Variants in PPP1R9A observed in about 807,000 individuals in gnomAD.
PPP1R9A encodes protein phosphatase 1 regulatory subunit 9A.
PPP1R9A carries 59 observed loss-of-function variants against 141.9 expected under a neutral mutation model. That is an observed-to-expected ratio of 0.42 (90% CI 0.34 to 0.52). PPP1R9A has a LOEUF of 0.52. PPP1R9A is among the 20% of genes least tolerant of loss of function. PPP1R9A has a pLI of 0.10. For synonymous variants in PPP1R9A, 500 were observed against 569.7 expected, an observed-to-expected ratio of 0.88 and a Z score of 1.74; for missense variants, 1,444 against 1,611.9, an observed-to-expected ratio of 0.90 and a Z score of 1.78.
intron 12 of PPP1R9A, among the ~76,000 whole-genome samples, chr7:95,257,812 C>T (rs1799819097): frequency 6.6e-6 from 1 of 152,082 alleles, no homozygotes; most frequent in Non-Finnish European, 1.5e-5. Flanking sequence ...TGATGGTTTC[C>T]AGCTTCATCC....
At chr7:95,127,443 G>A (rs559676567) in intron 4 of PPP1R9A, among the ~76,000 whole-genome samples, 6 of 151,282 alleles carry the variant, frequency 4.0e-5, no homozygotes, top group East Asian at 1.9e-4. Flanking sequence ...AAAGTCTATC[G>A]TTACTGTTTC....
At chr7:95,274,542 A>G (rs1016140866) in intron 16 of PPP1R9A, among the ~76,000 whole-genome samples, 1 of 152,192 alleles carries the variant, frequency 6.6e-6, no homozygotes, top group Non-Finnish European at 1.5e-5. Context: ...GTCTAAAAGG[A>G]TAATCATTTT....
intron 4 of PPP1R9A, chr7:95,155,295 C>G (rs927680974): frequency 1.3e-5 from 2 of 151,360 alleles, no homozygotes; most frequent in South Asian, 4.2e-4. Context: ...CAAGAAATCC[C>G]TCCACTTCAG....
intron 2 of PPP1R9A, among the ~76,000 whole-genome samples, chr7:94,999,819 T>A (rs190326951): frequency 0.026 from 3,796 of 146,760 alleles, 89 homozygotes; most frequent in Non-Finnish European, 0.037. Context: ...ATTTATTTAT[T>A]TAGATAGAGT....
chr7:95,081,935 C>G (rs1465344356), intron 2 of PPP1R9A, among the ~76,000 whole-genome samples: 1 of 152,190 alleles, frequency 6.6e-6, no homozygotes, highest in Non-Finnish European at 1.5e-5. Context: ...AACCAACAGC[C>G]TGAAATCACG....
intron 5 of PPP1R9A, among the ~76,000 whole-genome samples, chr7:95,192,882 G>A (rs1835711493): frequency 6.6e-6 from 1 of 151,968 alleles, no homozygotes; most frequent in Non-Finnish European, 1.5e-5. Context: ...AATCTTACAG[G>A]ACATATTTAT....
At chr7:95,209,986 A>G (rs56795270) in intron 7 of PPP1R9A, among the ~76,000 whole-genome samples, 10,821 of 152,220 alleles carry the variant, frequency 0.071, 927 homozygotes, top group African/African-American at 0.2. Flanking sequence ...ATGAAACTCA[A>G]GGAAGACTGC....
rs1423528344 is a variant in PPP1R9A, at chr7:95,255,478, G to GT, written c.2665+3349dup. Among the ~76,000 whole-genome samples the GT allele has an allele frequency of 3.3e-5, 5 of 152,264 alleles. No homozygotes were observed. The East Asian group carries it at 7.7e-4, about 24-fold the overall frequency. ...TTCTACCGTGAGAGATCAGGAGTAAGTGTGATATCATTTAAAAAATTATTT... is the reference window on the plus strand; with the variant it reads ...TTCTACCGTGAGAGATCAGGAGTAAGTTGTGATATCATTTAAAAAATTATTT... On this transcript the variant is annotated intron_variant, in intron 12 of 19. Coordinates refer to ENST00000433360, the MANE Select transcript of PPP1R9A (RefSeq NM_001166160.2).
In PPP1R9A at chr7:95,294,901, G is replaced by A. The variant is rs938197106; in HGVS notation, c.*4598G>A. The A allele has an allele frequency of 6.6e-6, 1 of 152,620 alleles. No homozygotes were observed. Among genetic ancestry groups the A allele is most frequent in the African/African-American group, 2.4e-5 (1 of 41,444 alleles). 9.5% of individuals were successfully genotyped at this position (152,620 alleles called of 1,614,324 possible). A position where few individuals can be genotyped will look rare whatever the true frequency, so the allele number is the denominator to read the frequency against. On this transcript the variant is annotated 3_prime_UTR_variant, in exon 20 of 20. Coordinates refer to ENST00000433360, the MANE Select transcript of PPP1R9A (RefSeq NM_001166160.2). ...TCACATATGTAAGCGTGTGGACCCA[G>A]CACAGTCTGTGACCTGATTCCAGAT...
chr7:95,263,820 C>A (rs1800828324), intron 12 of PPP1R9A, among the ~76,000 whole-genome samples: 1 of 152,146 alleles, frequency 6.6e-6, no homozygotes, highest in Non-Finnish European at 1.5e-5. Context: ...TGTTATTCTG[C>A]AACTTGCTTT....
chr7:94,979,561 A>G (rs1404605445), intron 2 of PPP1R9A, among the ~76,000 whole-genome samples: 2 of 152,244 alleles, frequency 1.3e-5, no homozygotes, highest in Non-Finnish European at 2.9e-5. Context: ...AAAGTTTTTT[A>G]GAAAGCTGTT....
chr7:95,203,587 T>C, intron 6 of PPP1R9A, 78 bp from the exon 7 acceptor site: 1 of 1,072,860 alleles, frequency 9.3e-7, no homozygotes, highest in Non-Finnish European at 1.4e-6. Flanking sequence ...TGGGACTCAG[T>C]GTTTTTCAAT....
At chr7:95,261,131 G>A (rs544418510) in intron 12 of PPP1R9A, among the ~76,000 whole-genome samples, 1 of 152,174 alleles carries the variant, frequency 6.6e-6, no homozygotes, top group Admixed American at 6.5e-5. Flanking sequence ...ATGAAGTGTT[G>A]CCCTGGGCTC....
intron 12 of PPP1R9A, among the ~76,000 whole-genome samples, chr7:95,264,196 A>C (rs1177022920): frequency 6.6e-6 from 1 of 152,206 alleles, no homozygotes; most frequent in African/African-American, 2.4e-5. Flanking sequence ...AGTGGCTGCA[A>C]ATGATATGCA....
chr7:95,008,912 C>T (rs547279959), intron 2 of PPP1R9A, among the ~76,000 whole-genome samples: 109 of 152,216 alleles, frequency 7.2e-4, no homozygotes, highest in Non-Finnish European at 9.1e-4. Context: ...AAATGTCCAT[C>T]AGTGATAGAC....
At chr7:94,945,976 A>G (rs996598898) in intron 2 of PPP1R9A, among the ~76,000 whole-genome samples, 15 of 152,116 alleles carry the variant, frequency 9.9e-5, no homozygotes, top group Admixed American at 2.6e-4. Flanking sequence ...AAAAAGTTCA[A>G]AATTACACAT....
At chr7:94,917,579 T>TG (rs1204777938) in intron 2 of PPP1R9A, among the ~76,000 whole-genome samples, 1 of 151,584 alleles carries the variant, frequency 6.6e-6, no homozygotes, top group East Asian at 1.9e-4. Context: ...TTATTATTTT[T>TG]TTTTTTTTTG....
Position 95,107,354 on chromosome 7 carries a change from A to C in PPP1R9A, c.1396-3905A>C, listed in dbSNP as rs114911898. ...TCTGCTAATCTGTGACTTTTCTTCT[A>C]ACTTCATTATGGTATATTTTATTGC... On this transcript the variant is annotated intron_variant, in intron 2 of 19. Coordinates refer to ENST00000433360, the MANE Select transcript of PPP1R9A (RefSeq NM_001166160.2). Among the ~76,000 whole-genome samples the C allele has an allele frequency of 6.1e-3, 924 of 152,236 alleles. 11 individuals are homozygous for C. Among genetic ancestry groups the C allele is most frequent in the African/African-American group, 0.021 (866 of 41,554 alleles).
intron 2 of PPP1R9A, among the ~76,000 whole-genome samples, chr7:95,015,785 C>G (rs917296827): frequency 2.0e-5 from 3 of 152,014 alleles, no homozygotes; most frequent in Non-Finnish European, 2.9e-5. Flanking sequence ...TATGGTGGCT[C>G]ATGTCTGTAA....
Sources: gnomAD v4.1 joint callset for allele counts (sites outside exome capture counted in the v4.1 genomes callset) on GRCh38, gnomAD v4.1.1 for gene constraint, MANE v1.5 for transcripts, NCBI Gene and HGNC (gene_info 2026-07-23, HGNC 2026-07-21) for gene names.